Variants in ECHDC1 observed in about 807,000 individuals in gnomAD.
ECHDC1 encodes the protein ethylmalonyl-CoA decarboxylase.
Under a neutral mutation model 29.7 loss-of-function variants are expected in ECHDC1, and 29 were observed. The ratio of observed to expected loss-of-function variants is 0.98; its 90% CI spans 0.73 to 1.33. ECHDC1 has a LOEUF of 1.33. ECHDC1 is among the 40% of genes most tolerant of loss of function. ECHDC1 has a pLI of 0.00. For synonymous variants in ECHDC1, 126 were observed against 123.1 expected, an observed-to-expected ratio of 1.02 and a Z score of -0.15; for missense variants, 328 against 350.0, an observed-to-expected ratio of 0.94 and a Z score of 0.50.
intron 3 of ECHDC1, among the ~76,000 whole-genome samples, chr6:127,322,738 G>A: frequency 6.6e-6 from 1 of 151,838 alleles, no homozygotes; most frequent in East Asian, 1.9e-4. Context: ...GTGGTCACAT[G>A]ATCTAAAGAG....
chr6:127,307,755 C>G (rs1285203662), intron 5 of ECHDC1, among the ~76,000 whole-genome samples: 8 of 50,128 alleles, frequency 1.6e-4, no homozygotes, highest in African/African-American at 5.4e-4. Context: ...GCCAGACTAA[C>G]AAAGAAAAAA....
intron 1 of ECHDC1, among the ~76,000 whole-genome samples, chr6:127,337,352 T>C (rs1300765373): frequency 6.6e-6 from 1 of 152,112 alleles, no homozygotes; most frequent in African/African-American, 2.4e-5. Context: ...TGCTGAGAGA[T>C]TCCTCTGCAC....
chr6:127,335,664 C>T (rs1784367606), intron 1 of ECHDC1, among the ~76,000 whole-genome samples: 1 of 151,876 alleles, frequency 6.6e-6, no homozygotes, highest in African/African-American at 2.4e-5. Flanking sequence ...GCTATGGTTA[C>T]CGAATAAAGA....
chr6:127,305,840 T>C (rs535656522), intron 5 of ECHDC1, among the ~76,000 whole-genome samples: 1 of 151,232 alleles, frequency 6.6e-6, no homozygotes, highest in East Asian at 1.9e-4. Flanking sequence ...AGAAGCTAAA[T>C]CAAATCACTG....
intron 3 of ECHDC1, among the ~76,000 whole-genome samples, chr6:127,318,550 T>C (rs936556231): frequency 6.6e-6 from 1 of 152,200 alleles, no homozygotes; most frequent in Admixed American, 6.5e-5. Flanking sequence ...ACAGGTATTA[T>C]ACAAAGTGCT....
chr6:127,316,593 C>CA, intron 3 of ECHDC1, 91 bp from the exon 4 acceptor site: 1 of 982,956 alleles, frequency 1.0e-6, no homozygotes, highest in Non-Finnish European at 1.5e-6. Context: ...GTAATGAAGC[C>CA]AAAAATATGT....
chr6:127,332,565 G>T (rs191084038), intron 1 of ECHDC1, among the ~76,000 whole-genome samples: 7 of 152,086 alleles, frequency 4.6e-5, no homozygotes, highest in Non-Finnish European at 5.9e-5. Context: ...AAACTTCTGT[G>T]GGGGAGGGTG....
chr6:127,315,461 A>G, intron 4 of ECHDC1: 7 of 231,870 alleles, frequency 3.0e-5, no homozygotes, highest in Non-Finnish European at 6.1e-5. Flanking sequence ...CAGTAAAAAT[A>G]AATCTTTTAC....
At position 127,318,937 on chromosome 6, in the gene ECHDC1, A is replaced by G. The variant is rs138216665; in HGVS notation, c.364-2435T>C. On this transcript the variant is annotated intron_variant, in intron 3 of 5. Transcript: ENST00000454859. The stretch of plus-strand genomic sequence containing the variant: ...GGCACGAGGAGCTAAAAAGCTTTCA[A>G]AGTAAACTGGTTTATTCTCTGCTAA... Among the ~76,000 whole-genome samples, 198 of 152,372 alleles carry G rather than the reference A, an allele frequency of 1.3e-3. No homozygotes were observed. In the East Asian group the frequency reaches 0.031, roughly 24 times the overall value.
chr6:127,342,657 T>C (rs1177052335), intron 1 of ECHDC1: 2 of 377,720 alleles, frequency 5.3e-6, no homozygotes, highest in Non-Finnish European at 9.6e-6. Flanking sequence ...ACAACTGCTA[T>C]ACAGGAGCCC....
rs150664893 is a variant in ECHDC1 at position 127,314,520 on chromosome 6, G to C, written c.497+296C>G. Among the ~76,000 whole-genome samples, 5 of 152,022 alleles carry C rather than the reference G, an allele frequency of 3.3e-5. No individual in the cohort carries two copies. In the East Asian group the frequency reaches 9.7e-4, roughly 29 times the overall value. ...TTGTATAATTCTTTTGGATTTTTAA[G>C]TTTCATATATTTCCTTAGCTTTCCT... is the stretch of plus-strand genomic sequence containing the variant. On this transcript the variant is annotated intron_variant, in intron 5 of 5. Transcript: ENST00000454859.
intron 5 of ECHDC1, among the ~76,000 whole-genome samples, chr6:127,297,926 G>A (rs1414891522): frequency 2.6e-5 from 4 of 152,062 alleles, no homozygotes; most frequent in Admixed American, 6.6e-5. Flanking sequence ...TTGCGTCCAT[G>A]CTCCTTAGTT....
chr6:127,329,939 C>A, intron 2 of ECHDC1: 1 of 450,960 alleles, frequency 2.2e-6, no homozygotes, highest in Non-Finnish European at 4.4e-6. Flanking sequence ...TGGTAATTTA[C>A]AAAGGGTTTA....
intron 2 of ECHDC1, among the ~76,000 whole-genome samples, chr6:127,328,495 A>G (rs1355810369): frequency 6.6e-6 from 1 of 152,210 alleles, no homozygotes; most frequent in Non-Finnish European, 1.5e-5. Flanking sequence ...TACAATGTTC[A>G]CACAATGACA....
chr6:127,288,984 C>T lies in ECHDC1; in HGVS notation c.*885G>A, dbSNP rs1779870183. The T allele has an allele frequency of 6.6e-6, 1 of 152,026 alleles. No homozygotes were observed. The highest frequency in any genetic ancestry group is 2.1e-4 in the South Asian group (1 of 4,838). 9.4% of individuals were successfully genotyped at this position (152,026 alleles called of 1,614,324 possible). On this transcript the variant is annotated 3_prime_UTR_variant, in exon 6 of 6. Transcript: ENST00000454859. Reference sequence around the variant, plus strand: ...CTAGAACTTAATTCTTTGACTTTCACATTTTTTAAAAAGTGTATTGCTGGG... The same window carrying T: ...CTAGAACTTAATTCTTTGACTTTCATATTTTTTAAAAAGTGTATTGCTGGG...
intron 3 of ECHDC1, among the ~76,000 whole-genome samples, chr6:127,322,646 G>GTATATATATATATATATATA (rs60212728): frequency 6.7e-5 from 10 of 149,234 alleles, no homozygotes; most frequent in African/African-American, 2.5e-4. Flanking sequence ...ATATATGTGT[G>GTATATATATATATATATATA]TATATATATA....
intron 1 of ECHDC1, chr6:127,342,411 C>T (rs1230401369): frequency 2.6e-6 from 4 of 1,541,274 alleles, no homozygotes; most frequent in African/African-American, 1.4e-5. Flanking sequence ...GAATGTTAAT[C>T]ATTGCAGGAA....
chr6:127,302,921 T>TGCACTGATGACAGCAGAGG (rs1409285174), intron 5 of ECHDC1, among the ~76,000 whole-genome samples: 2 of 152,212 alleles, frequency 1.3e-5, no homozygotes, highest in Non-Finnish European at 2.9e-5. Flanking sequence ...TAATGCAATC[T>TGCACTGATGACAGCAGAGG]GCACTGATGA....
At chr6:127,299,804 TCCTG>T (rs1167598297) in intron 5 of ECHDC1, among the ~76,000 whole-genome samples, 2 of 152,196 alleles carry the variant, frequency 1.3e-5, no homozygotes, top group Admixed American at 1.3e-4. Context: ...AGACTTTCAG[TCCTG>T]CAAGCTCGAT....
Sources: allele counts gnomAD v4.1 joint callset (sites outside exome capture counted in the v4.1 genomes callset), GRCh38; gene constraint gnomAD v4.1.1; transcripts MANE v1.5; gene names NCBI Gene and HGNC (gene_info 2026-07-23, HGNC 2026-07-21).